USP15: variants seen among roughly 807,000 people sequenced by gnomAD.
The protein encoded by USP15 is ubiquitin specific peptidase 15, also known as ubiquitin carboxyl-terminal hydrolase 15.
Under a neutral mutation model 127.1 loss-of-function variants are expected in USP15, and 18 were observed. That is an observed-to-expected ratio of 0.14 (90% CI 0.10 to 0.21). USP15 has a LOEUF of 0.21. Ranked by LOEUF, USP15 falls within the 10% of genes least tolerant of loss-of-function variation. The pLI, the probability that USP15 is intolerant of heterozygous loss-of-function variation, is 1.00. For synonymous variants in USP15, 364 were observed against 393.7 expected, an observed-to-expected ratio of 0.92 and a Z score of 0.89; for missense variants, 805 against 1,159.9, an observed-to-expected ratio of 0.69 and a Z score of 4.44.
At chr12:62,400,982 A>C (rs561814184) in intron 20 of USP15, among the ~76,000 whole-genome samples, 2 of 152,102 alleles carry the variant, frequency 1.3e-5, no homozygotes, top group Non-Finnish European at 2.9e-5. Context: ...TGAAAAAAGA[A>C]TGTTTCAACT....
intron 3 of USP15, 90 bp from the exon 4 acceptor site, chr12:62,314,700 C>A: frequency 8.3e-7 from 1 of 1,211,910 alleles, no homozygotes; most frequent in Non-Finnish European, 1.1e-6. Context: ...TGGAGATCTG[C>A]AGTTTTCTAA....
At chr12:62,401,793 TGAG>T (rs1224438827) in intron 21 of USP15, among the ~76,000 whole-genome samples, 3 of 151,474 alleles carry the variant, frequency 2.0e-5, no homozygotes, top group East Asian at 3.9e-4. Flanking sequence ...GTAAAAAAAA[TGAG>T]GAAGTTCCGT....
chr12:62,313,775 A>AAT (rs1264793940), intron 3 of USP15, among the ~76,000 whole-genome samples: 1 of 151,794 alleles, frequency 6.6e-6, no homozygotes, highest in Non-Finnish European at 1.5e-5. Context: ...TGATTAAGAA[A>AAT]ATATATATGA....
At chr12:62,336,051 G>A (rs1424396019) in intron 6 of USP15, 10 of 984,532 alleles carry the variant, frequency 1.0e-5, no homozygotes, top group Non-Finnish European at 1.2e-5. Context: ...TCCTTGGCAC[G>A]GTGCAGTGCA....
At chr12:62,352,713 T>C (rs1033736020) in intron 7 of USP15, among the ~76,000 whole-genome samples, 3 of 152,048 alleles carry the variant, frequency 2.0e-5, no homozygotes, top group Non-Finnish European at 4.4e-5. Flanking sequence ...TTTCATTAAC[T>C]GAAAAATGGG....
At chr12:62,335,481 T>C in intron 6 of USP15, 1 of 1,252,434 alleles carries the variant, frequency 8.0e-7, no homozygotes, top group Non-Finnish European at 1.0e-6. Context: ...GTCCCTCTAC[T>C]CTACCTGTAG....
rs1237920968 is a variant in USP15, at chr12:62,410,597, T to G, written c.*6222T>G. On this transcript the variant is annotated 3_prime_UTR_variant, in exon 22 of 22. Transcript: ENST00000280377. ...TAATCCTAGATATTTGGGTACTACC[T>G]ACAGTGAGATATGGTAGGAAACATT... is the stretch of plus-strand genomic sequence containing the variant. The G allele has an allele frequency of 6.6e-6, 1 of 152,156 alleles. No homozygotes were observed. Among genetic ancestry groups the G allele is most frequent in the Non-Finnish European group, 1.5e-5 (1 of 68,024 alleles). 9.4% of individuals were successfully genotyped at this position (152,156 alleles called of 1,614,324 possible).
At chr12:62,370,616 G>C (rs539221737) in intron 8 of USP15, among the ~76,000 whole-genome samples, 1 of 152,124 alleles carries the variant, frequency 6.6e-6, no homozygotes, top group Non-Finnish European at 1.5e-5. Context: ...TATCATTACT[G>C]TTGTCATGAT....
intron 2 of USP15, among the ~76,000 whole-genome samples, chr12:62,297,936 A>G (rs1463062852): frequency 1.3e-5 from 2 of 152,206 alleles, no homozygotes; most frequent in Non-Finnish European, 2.9e-5. Context: ...GAAAAATAAA[A>G]ATTCACAAAA....
intron 8 of USP15, among the ~76,000 whole-genome samples, chr12:62,368,665 T>C: frequency 6.6e-6 from 1 of 152,200 alleles, no homozygotes; most frequent in East Asian, 1.9e-4. Flanking sequence ...GGTTGGTAAA[T>C]ATTCTTCCAT....
At chr12:62,260,723 G>A (rs559134218) in intron 1 of USP15, among the ~76,000 whole-genome samples, 1 of 152,242 alleles carries the variant, frequency 6.6e-6, no homozygotes, top group African/African-American at 2.4e-5. Flanking sequence ...AAAGGTATCC[G>A]GGGAGCGGCG....
chr12:62,312,739 G>T (rs2064719239), intron 3 of USP15, among the ~76,000 whole-genome samples: 1 of 151,388 alleles, frequency 6.6e-6, no homozygotes, highest in Admixed American at 6.6e-5. Flanking sequence ...TAATAATTAG[G>T]TAAATAAAAC....
intron 1 of USP15, among the ~76,000 whole-genome samples, chr12:62,272,060 AAGTC>A (rs1215013722): frequency 1.3e-5 from 2 of 151,822 alleles, no homozygotes; most frequent in East Asian, 3.9e-4. Context: ...CTTAAAAAAA[AAGTC>A]AGTGAAATAT....
At chr12:62,332,457 A>G (rs1471552634) in intron 6 of USP15, among the ~76,000 whole-genome samples, 3 of 151,956 alleles carry the variant, frequency 2.0e-5, no homozygotes, top group Non-Finnish European at 2.9e-5. Flanking sequence ...TAGTTGTTCT[A>G]TTGCAGACGT....
At chr12:62,285,169 A>G (rs147660384) in intron 1 of USP15, among the ~76,000 whole-genome samples, 1,680 of 152,262 alleles carry the variant, frequency 0.011, 89 homozygotes, top group Admixed American at 0.088. Context: ...TGAACTGCAT[A>G]ATGGTGAAGT....
intron 1 of USP15, among the ~76,000 whole-genome samples, chr12:62,264,782 TACTC>T (rs2063155365): frequency 6.6e-6 from 1 of 152,224 alleles, no homozygotes; most frequent in Non-Finnish European, 1.5e-5. Context: ...GGAACACTAT[TACTC>T]AACATGAATT....
chr12:62,267,012 G>A (rs998161293), intron 1 of USP15, among the ~76,000 whole-genome samples: 2 of 152,026 alleles, frequency 1.3e-5, no homozygotes, highest in Non-Finnish European at 1.5e-5. Context: ...ATGGTTTTAT[G>A]CTGTCACTAC....
chr12:62,415,570 ACCTCT>A lies in USP15; in HGVS notation c.*11197_*11201del, dbSNP rs924025913. On this transcript the variant is annotated 3_prime_UTR_variant, in exon 22 of 22. Coordinates refer to ENST00000280377, the MANE Select transcript of USP15 (RefSeq NM_001252078.2). ...CTACCACTTTTGTGCAACTCACCTC[ACCTCT>A]CTGCCTTTCACCTCTCTGTAAACTA... is the stretch of plus-strand genomic sequence containing the variant. 6.6e-6 allele frequency: 1 copy of A among 152,046 alleles called. No homozygotes were observed. Among genetic ancestry groups the A allele is most frequent in the African/African-American group, 2.4e-5 (1 of 41,384 alleles). The allele number at this position is 152,046 out of a possible 1,614,324, so 9.4% of individuals were successfully genotyped here. A position where few individuals can be genotyped will look rare whatever the true frequency, so the allele number is the denominator to read the frequency against.
intron 6 of USP15, among the ~76,000 whole-genome samples, chr12:62,327,002 TC>T (rs1411982758): frequency 6.6e-6 from 1 of 151,998 alleles, no homozygotes; most frequent in Non-Finnish European, 1.5e-5. Flanking sequence ...TGATGATGCA[TC>T]CCTGTAATCC....
Sources: allele counts gnomAD v4.1 joint callset (sites outside exome capture counted in the v4.1 genomes callset), GRCh38; gene constraint gnomAD v4.1.1; transcripts MANE v1.5; gene names NCBI Gene and HGNC (gene_info 2026-07-23, HGNC 2026-07-21).